Variants in UBE2E2 observed in about 807,000 individuals in gnomAD.
UBE2E2 encodes ubiquitin conjugating enzyme E2 E2.
In UBE2E2, 6 loss-of-function variants were observed where a neutral mutation model predicts 24.7. That is an observed-to-expected ratio of 0.24 (90% confidence interval 0.13 to 0.48). The LOEUF is 0.48. Ranked by LOEUF, UBE2E2 falls within the 20% of genes least tolerant of loss-of-function variation. UBE2E2 has a pLI of 0.99. For missense variants in UBE2E2, 169 were observed against 245.0 expected, an observed-to-expected ratio of 0.69 and a Z score of 2.07; for synonymous variants, 104 against 83.6, an observed-to-expected ratio of 1.24 and a Z score of -1.33.
chr3:23,520,144 G>T (rs1694831121), intron 4 of UBE2E2, among the ~76,000 whole-genome samples: 2 of 150,954 alleles, frequency 1.3e-5, no homozygotes, highest in African/African-American at 2.4e-5. Context: ...AAACTTTGAG[G>T]GTGTGGGGTT....
chr3:23,585,028 G>A (rs1036070841), intron 5 of UBE2E2, among the ~76,000 whole-genome samples: 1 of 152,114 alleles, frequency 6.6e-6, no homozygotes, highest in African/African-American at 2.4e-5. Flanking sequence ...TGATCTTGCA[G>A]TCTTACGCTT....
chr3:23,258,949 G>A (rs1697821838), intron 3 of UBE2E2, among the ~76,000 whole-genome samples: 1 of 147,142 alleles, frequency 6.8e-6, no homozygotes, highest in African/African-American at 2.5e-5. Context: ...GAAAGGAGAA[G>A]GTATTTGTCA....
chr3:23,506,729 G>A (rs1694467226), intron 4 of UBE2E2, among the ~76,000 whole-genome samples: 1 of 152,090 alleles, frequency 6.6e-6, no homozygotes, highest in Admixed American at 6.5e-5. Context: ...AGCCTCCCGG[G>A]CTCAAGCAAT....
At chr3:23,262,088 G>T (rs1344182447) in intron 3 of UBE2E2, among the ~76,000 whole-genome samples, 1 of 152,096 alleles carries the variant, frequency 6.6e-6, no homozygotes, top group East Asian at 1.9e-4. Flanking sequence ...TTCCCCACAA[G>T]AATTGCACAG....
intron 5 of UBE2E2, among the ~76,000 whole-genome samples, chr3:23,570,088 C>G (rs1396836686): frequency 6.6e-6 from 1 of 152,122 alleles, no homozygotes; most frequent in East Asian, 1.9e-4. Context: ...CATCTTATAC[C>G]TGATTTAAAT....
chr3:23,384,958 G>T (rs1696771584), intron 3 of UBE2E2, among the ~76,000 whole-genome samples: 1 of 151,518 alleles, frequency 6.6e-6, no homozygotes, highest in East Asian at 1.9e-4. Context: ...TTGAGATAGA[G>T]TCTCACTTTG....
chr3:23,409,922 G>A (rs1697459936), intron 3 of UBE2E2, among the ~76,000 whole-genome samples: 1 of 152,034 alleles, frequency 6.6e-6, no homozygotes, highest in Non-Finnish European at 1.5e-5. Flanking sequence ...TCCAAATACT[G>A]TCATCTTTTC....
chr3:23,467,496 T>C (rs1337898518), intron 3 of UBE2E2, among the ~76,000 whole-genome samples: 6 of 152,160 alleles, frequency 3.9e-5, no homozygotes, highest in Non-Finnish European at 8.8e-5. Flanking sequence ...TGAGCCTCAG[T>C]TACACAAACT....
At chr3:23,367,966 G>T (rs1456809762) in intron 3 of UBE2E2, among the ~76,000 whole-genome samples, 3 of 152,146 alleles carry the variant, frequency 2.0e-5, no homozygotes, top group African/African-American at 7.2e-5. Flanking sequence ...TTTTGTTGTG[G>T]TGTGAGAGCA....
rs146928349 is a variant in UBE2E2, at chr3:23,290,690, G to A, written c.227+73378G>A. ...AATTTAAAACCTCAGATAAACTATGGTTATAGGTAATATATTTATACTAAC... is the reference window on the plus strand; with the variant it reads ...AATTTAAAACCTCAGATAAACTATGATTATAGGTAATATATTTATACTAAC... On this transcript the variant is annotated intron_variant, in intron 3 of 5. Coordinates refer to ENST00000396703, the MANE Select transcript of UBE2E2 (RefSeq NM_152653.4). 2.3e-3 allele frequency among the ~76,000 whole-genome samples: 351 copies of A among 151,738 alleles called. 2 individuals carry two copies. The Middle Eastern group carries it at 0.071, about 31-fold the overall frequency.
At chr3:23,347,836 C>T (rs1043574251) in intron 3 of UBE2E2, among the ~76,000 whole-genome samples, 2 of 151,936 alleles carry the variant, frequency 1.3e-5, no homozygotes, top group East Asian at 1.9e-4. Context: ...ATTCTTAGAG[C>T]CATCCTTAAA....
intron 3 of UBE2E2, among the ~76,000 whole-genome samples, chr3:23,495,488 C>T (rs1194068209): frequency 6.6e-6 from 1 of 152,198 alleles, no homozygotes; most frequent in African/African-American, 2.4e-5. Context: ...TTGGTATTTA[C>T]TAAATGTGTT....
intron 3 of UBE2E2, among the ~76,000 whole-genome samples, chr3:23,222,243 CATTT>C (rs1331591687): frequency 2.6e-5 from 4 of 152,098 alleles, no homozygotes; most frequent in South Asian, 4.1e-4. Flanking sequence ...TTTATTCATT[CATTT>C]GTTAATGGGC....
In UBE2E2 at chr3:23,283,717, C is replaced by T. The variant is rs1483277163; in HGVS notation, c.227+66405C>T. 1.3e-5 allele frequency among the ~76,000 whole-genome samples: 2 copies of T among 152,152 alleles called. 1 individual carries two copies. Among genetic ancestry groups the T allele is most frequent in the East Asian group, 3.9e-4 (2 of 5,194 alleles). ...GCAGTGAGCCATGATCACAGCACTG[C>T]AATCCAGCCTGGGTGACAGAGCAAG... On this transcript the variant is annotated intron_variant, in intron 3 of 5. Coordinates refer to ENST00000396703, the MANE Select transcript of UBE2E2 (RefSeq NM_152653.4).
chr3:23,460,097 C>T (rs1698775623), intron 3 of UBE2E2, among the ~76,000 whole-genome samples: 1 of 152,194 alleles, frequency 6.6e-6, no homozygotes, highest in Non-Finnish European at 1.5e-5. Context: ...AGCAGCAACA[C>T]AGTAGATGAC....
chr3:23,262,990 T>C (rs1013846305), intron 3 of UBE2E2, among the ~76,000 whole-genome samples: 1 of 152,140 alleles, frequency 6.6e-6, no homozygotes, highest in Non-Finnish European at 1.5e-5. Flanking sequence ...TTTTTCTGAG[T>C]GTACAGAGGG....
chr3:23,249,436 CTT>C (rs1015159061), intron 3 of UBE2E2, among the ~76,000 whole-genome samples: 5 of 152,116 alleles, frequency 3.3e-5, no homozygotes, highest in African/African-American at 1.2e-4. Context: ...AAAAAGAACT[CTT>C]TAAGCAATTT....
chr3:23,211,268 C>T (rs913666149), intron 2 of UBE2E2, among the ~76,000 whole-genome samples: 18 of 152,086 alleles, frequency 1.2e-4, no homozygotes, highest in African/African-American at 4.3e-4. Context: ...TGTTGACGAT[C>T]ATTTTTATTC....
chr3:23,232,318 A>T (rs1451516898), intron 3 of UBE2E2, among the ~76,000 whole-genome samples: 1 of 152,230 alleles, frequency 6.6e-6, no homozygotes, highest in Admixed American at 6.5e-5. Context: ...AATATCCATC[A>T]CTTTGCTAGG....
Sources: allele counts gnomAD v4.1 joint callset (sites outside exome capture counted in the v4.1 genomes callset), GRCh38; gene constraint gnomAD v4.1.1; transcripts MANE v1.5; gene names NCBI Gene and HGNC (gene_info 2026-07-23, HGNC 2026-07-21).